Variants in DDX6 observed in about 807,000 individuals in gnomAD.
The protein encoded by DDX6 is DEAD-box helicase 6.
In DDX6, 7 loss-of-function variants were observed where a neutral mutation model predicts 60.6. That is an observed-to-expected ratio of 0.12 (90% CI 0.07 to 0.22). The LOEUF (loss-of-function observed/expected upper bound fraction) is 0.22. DDX6 is among the 10% of genes least tolerant of loss of function. The probability of loss-of-function intolerance (pLI) is 1.00; values close to 1 mark genes in which losing one functional copy is unlikely to be tolerated. For synonymous variants in DDX6, 207 were observed against 201.0 expected (o/e 1.03, Z -0.25); for missense variants, 270 against 589.9 (o/e 0.46, Z 5.62).
rs1013524813 is a variant in DDX6 at position 118,786,485 on chromosome 11, A to G, written c.-234T>C. On this transcript the variant is annotated 5_prime_UTR_variant, in exon 2 of 14. Coordinates refer to ENST00000534980, the MANE Select transcript of DDX6 (RefSeq NM_004397.6). Reference sequence around the variant, plus strand: ...TTTATTTTTAAAAAGCCCTCTAACAAGCTTGAGTTATATCTGAATTCACTC... The same window carrying G: ...TTTATTTTTAAAAAGCCCTCTAACAGGCTTGAGTTATATCTGAATTCACTC... 1.2e-5 allele frequency: 4 copies of G among 344,650 alleles called. No homozygotes were observed. The highest frequency in any genetic ancestry group is 6.3e-5 in the African/African-American group (3 of 47,772). 21.3% of individuals were successfully genotyped at this position (344,650 alleles called of 1,614,324 possible). A position where few individuals can be genotyped will look rare whatever the true frequency, so the allele number is the denominator to read the frequency against.
At chr11:118,776,820 A>C (rs183884855) in intron 4 of DDX6, among the ~76,000 whole-genome samples, 1 of 150,768 alleles carries the variant, frequency 6.6e-6, no homozygotes, top group African/African-American at 2.4e-5. Context: ...CAACAGAGTA[A>C]GGCTCTGTCT....
intron 4 of DDX6, among the ~76,000 whole-genome samples, chr11:118,779,156 CAAAAA>C (rs5795140): frequency 1.6e-5 from 2 of 125,898 alleles, no homozygotes; most frequent in Admixed American, 8.4e-5. Flanking sequence ...ACCCAGTTGC[CAAAAA>C]AAAAAAAAAA....
In DDX6 at chr11:118,781,481, T is replaced by C. The variant is rs897611777; in HGVS notation, c.201-297A>G. On this transcript the variant is annotated intron_variant, in intron 2 of 13. Transcript: ENST00000534980. ...GACCTACACAGCATGTGTTTTAATTTAAATGAGTTTAAATTAGTTCTCAAC... is the reference window on the plus strand; with the variant it reads ...GACCTACACAGCATGTGTTTTAATTCAAATGAGTTTAAATTAGTTCTCAAC... Among the ~76,000 whole-genome samples the C allele has an allele frequency of 2.0e-5, 3 of 152,202 alleles. 1 individual carries two copies. The highest frequency in any genetic ancestry group is 2.0e-4 in the Admixed American group (3 of 15,280).
chr11:118,791,211 C>G (rs1219541815), upstream of DDX6: 2 of 152,376 alleles, frequency 1.3e-5, no homozygotes, highest in African/African-American at 2.4e-5. Context: ...CCTCCTCCCT[C>G]TTTCCCTGCC....
intron 5 of DDX6, 90 bp from the exon 6 acceptor site, chr11:118,765,445 T>C (rs945518990): frequency 1.5e-5 from 20 of 1,364,764 alleles, no homozygotes; most frequent in Admixed American, 1.7e-5. Context: ...TAAGAAGCTA[T>C]AGAAATACTG....
rs782100894 is a variant in DDX6, at chr11:118,757,304, A to G, written c.994-17T>C. ...TATCTGAAGCTGAGCACAGAAAAAA[A>G]TAAGTATGAGAAAAATAAAAAAAAC... On this transcript the variant is annotated splice_polypyrimidine_tract_variant and intron_variant, in intron 9 of 13. Transcript: ENST00000534980. 5.8e-6 allele frequency: 8 copies of G among 1,390,178 alleles called. No homozygotes were observed. The East Asian group carries it at 1.0e-4, about 17-fold the overall frequency. 86.1% of individuals were successfully genotyped at this position (1,390,178 alleles called of 1,614,324 possible). A position where few individuals can be genotyped will look rare whatever the true frequency, so the allele number is the denominator to read the frequency against.
intron 4 of DDX6, among the ~76,000 whole-genome samples, chr11:118,769,703 T>A (rs1399313460): frequency 7.0e-6 from 1 of 142,606 alleles, no homozygotes; most frequent in Non-Finnish European, 1.5e-5. Flanking sequence ...AAAAGGAAAT[T>A]ATGTGGAATT....
chr11:118,766,281 A>C (rs1159517486), intron 5 of DDX6, among the ~76,000 whole-genome samples: 3 of 151,338 alleles, frequency 2.0e-5, no homozygotes, highest in African/African-American at 7.3e-5. Flanking sequence ...AAAAATGAAA[A>C]AAATTAGCTG....
chr11:118,750,138 T>TA lies in DDX6; in HGVS notation c.*1966dup, dbSNP rs1234119532. 2 of 130,572 alleles carry TA rather than the reference T, an allele frequency of 1.5e-5. No individual in the cohort carries two copies. The highest frequency in any genetic ancestry group is 2.7e-5 in the African/African-American group (1 of 37,352). The allele number at this position is 130,572 out of a possible 1,614,324, so 8.1% of individuals were successfully genotyped here. On this transcript the variant is annotated 3_prime_UTR_variant, in exon 14 of 14. Coordinates refer to ENST00000534980, the MANE Select transcript of DDX6 (RefSeq NM_004397.6). ...ATGCGGGACTTATTTTGTAATATTTTAGGGTTTTGAAAAATAAAATATGGA... is the reference window on the plus strand; with the variant it reads ...ATGCGGGACTTATTTTGTAATATTTTAAGGGTTTTGAAAAATAAAATATGGA...
At position 118,786,246 on chromosome 11, in the gene DDX6, G is replaced by C; in HGVS notation, c.6C>G (p.Ser2Arg). 1 of 1,596,946 alleles carries C rather than the reference G, an allele frequency of 6.3e-7. No individual in the cohort carries two copies. The highest frequency in any genetic ancestry group is 8.5e-7 in the Non-Finnish European group (1 of 1,171,636). The change falls in exon 2 of 14, where the codon AGC becomes AGG. Residue 2 changes from serine (S) to arginine (R), a missense_variant. Around this residue, in one of 8 missense-constraint regions of DDX6, gnomAD observed 102 missense variants for 110.5 expected, o/e 0.92. Coordinates refer to ENST00000534980, the MANE Select transcript of DDX6 (RefSeq NM_004397.6). Reference sequence around the variant, plus strand: ...TAACAGGGTTCTCTGTTCTGGCCGTGCTCATGCTGTTTTAATTGCAAAGGT... The same window carrying C: ...TAACAGGGTTCTCTGTTCTGGCCGTCCTCATGCTGTTTTAATTGCAAAGGT... M[S>R]TARTENPVIM...
chr11:118,772,658 CCCCCAAAAAACAAAA>C (rs1171968716), intron 4 of DDX6, among the ~76,000 whole-genome samples: 37 of 152,042 alleles, frequency 2.4e-4, no homozygotes, highest in African/African-American at 8.9e-4. Context: ...AAAGCTATTA[CCCCCAAAAAACAAAA>C]CCCCAAAAAA....
intron 6 of DDX6, among the ~76,000 whole-genome samples, chr11:118,764,737 GAGATTGCAGTGAGTCA>G (rs1861291108): frequency 6.6e-6 from 1 of 151,350 alleles, no homozygotes; most frequent in Admixed American, 6.6e-5. Context: ...CTGGGAGGCG[GAGATTGCAGTGAGTCA>G]AGATTGCGCC....
rs1860711123 is a variant in DDX6, at chr11:118,750,194, T to C, written c.*1911A>G. 1 of 152,104 alleles carries C rather than the reference T, an allele frequency of 6.6e-6. No homozygotes were observed. Among genetic ancestry groups the C allele is most frequent in the Non-Finnish European group, 1.5e-5 (1 of 68,006 alleles). 9.4% of individuals were successfully genotyped at this position (152,104 alleles called of 1,614,324 possible). ...ATTTTTTTTAATTTTGTTTTTTGCT[T>C]TTTTCCCCCCCTTTCCAGATGCCTC... On this transcript the variant is annotated 3_prime_UTR_variant, in exon 14 of 14. Coordinates refer to ENST00000534980, the MANE Select transcript of DDX6 (RefSeq NM_004397.6).
intron 4 of DDX6, among the ~76,000 whole-genome samples, chr11:118,775,928 C>G (rs1469680951): frequency 6.6e-6 from 1 of 152,054 alleles, no homozygotes; most frequent in Non-Finnish European, 1.5e-5. Flanking sequence ...CCCAGGAGGT[C>G]AAGACCAGCC....
intron 4 of DDX6, among the ~76,000 whole-genome samples, chr11:118,778,240 T>A (rs1056423246): frequency 3.3e-5 from 5 of 151,990 alleles, no homozygotes; most frequent in African/African-American, 9.7e-5. Context: ...GTTATTTTTT[T>A]AAAAAAGTAT....
intron 4 of DDX6, among the ~76,000 whole-genome samples, chr11:118,775,144 G>A (rs563285200): frequency 3.9e-5 from 6 of 152,150 alleles, no homozygotes; most frequent in East Asian, 1.9e-4. Flanking sequence ...GTGAAACCCC[G>A]TCTCCACCAG....
At chr11:118,787,620 C>CA (rs1763867204) in intron 1 of DDX6, 1 of 152,086 alleles carries the variant, frequency 6.6e-6, no homozygotes, top group Admixed American at 6.5e-5. Context: ...AGCCAGGTGA[C>CA]AGAGACCTTG....
intron 1 of DDX6, chr11:118,787,781 C>T (rs1862126077): frequency 6.6e-6 from 1 of 151,992 alleles, no homozygotes; most frequent in African/African-American, 2.4e-5. Context: ...GGATGATATA[C>T]ACAAATTTTG....
chr11:118,786,794 A>AT (rs1208425471), intron 1 of DDX6: 1 of 153,034 alleles, frequency 6.5e-6, no homozygotes, highest in Non-Finnish European at 1.5e-5. Context: ...CTCGTCAATG[A>AT]TAATCTCTTC....
Sources: allele counts gnomAD v4.1 joint callset (sites outside exome capture counted in the v4.1 genomes callset), GRCh38; gene constraint gnomAD v4.1.1; regional missense constraint gnomAD v4.1.1; transcripts MANE v1.5; gene names NCBI Gene and HGNC (gene_info 2026-07-23, HGNC 2026-07-21).